Variants in SLC13A1 observed in about 807,000 individuals in gnomAD.
SLC13A1 encodes solute carrier family 13 member 1, also known as Na(+)/sulfate cotransporter.
SLC13A1 carries 65 observed loss-of-function variants against 70.0 expected under a neutral mutation model. That is an observed-to-expected ratio of 0.93 (90% CI 0.76 to 1.14). SLC13A1 has a LOEUF of 1.14. SLC13A1 is among the 50% of genes most tolerant of loss of function. SLC13A1 has a pLI of 0.00. For missense variants in SLC13A1, 726 were observed against 717.8 expected (o/e 1.01, Z -0.13); for synonymous variants, 275 against 250.5 (o/e 1.10, Z -0.92).
rs1793116737 is a variant in SLC13A1 at position 123,114,504 on chromosome 7, C to T, written c.*1014G>A. 1 of 151,454 alleles carries T rather than the reference C, an allele frequency of 6.6e-6. No individual in the cohort carries two copies. Among genetic ancestry groups the T allele is most frequent in the Non-Finnish European group, 1.5e-5 (1 of 67,826 alleles). The allele number at this position is 151,454 out of a possible 1,614,324, so 9.4% of individuals were successfully genotyped here. On this transcript the variant is annotated 3_prime_UTR_variant, in exon 15 of 15. Coordinates refer to ENST00000194130, the MANE Select transcript of SLC13A1 (RefSeq NM_022444.4). ...TTGTAATACGTCAGCAGTTTTCATT[C>T]TTATTCTTTTTTCCTTCTTTTTTTC...
At chr7:123,185,818 G>A (rs1356811804) in intron 1 of SLC13A1, among the ~76,000 whole-genome samples, 2 of 151,964 alleles carry the variant, frequency 1.3e-5, no homozygotes, top group Non-Finnish European at 2.9e-5. Context: ...TTAATGGGTA[G>A]GGTAGCCATC....
intron 6 of SLC13A1, among the ~76,000 whole-genome samples, chr7:123,153,511 G>A (rs1794622678): frequency 6.6e-6 from 1 of 151,994 alleles, no homozygotes; most frequent in African/African-American, 2.4e-5. Context: ...TCGCTGGGCT[G>A]AACACAGAAG....
Position 123,147,277 on chromosome 7 carries a change from T to C in SLC13A1, c.694A>G (p.Lys232Glu). ...SGMRTKYRTK[K>E]GHVTRKLTCL... ...GTAAGTTTACGTGTCACGTGGCCCT[T>C]CTTTGTTCGATATTTGGTTCTCATG... The change falls in exon 7 of 15, where the codon AAG becomes GAG. Residue 232 changes from lysine to glutamate, a missense_variant. Coordinates refer to ENST00000194130, the MANE Select transcript of SLC13A1 (RefSeq NM_022444.4). 1 of 1,613,550 alleles carries C rather than the reference T, an allele frequency of 6.2e-7. No homozygotes were observed. The highest frequency in any genetic ancestry group is 1.3e-5 in the African/African-American group (1 of 74,998).
chr7:123,125,593 T>G lies in SLC13A1; in HGVS notation c.1216A>C (p.Lys406Gln), dbSNP rs779675889. 6.2e-7 allele frequency: 1 copy of G among 1,611,952 alleles called. No homozygotes were observed. The highest frequency in any genetic ancestry group is 8.5e-7 in the Non-Finnish European group (1 of 1,178,782). ...CCAATTTCTCCTGTAGGTGTAGTTTTAGTCAGTGTCTTAGCTGGGATAAGA... is the reference window on the plus strand; with the variant it reads ...CCAATTTCTCCTGTAGGTGTAGTTTGAGTCAGTGTCTTAGCTGGGATAAGA... ...FFLIPAKTLT[K>Q]TTPTGEIVAF... Residue 406 changes from lysine (K) to glutamine (Q), a missense_variant, in exon 11 of 15, where the codon AAA becomes CAA. Coordinates refer to ENST00000194130, the MANE Select transcript of SLC13A1 (RefSeq NM_022444.4).
intron 6 of SLC13A1, among the ~76,000 whole-genome samples, chr7:123,159,771 T>C (rs1794824212): frequency 6.6e-6 from 1 of 152,168 alleles, no homozygotes; most frequent in African/African-American, 2.4e-5. Context: ...CAGTAGAAAT[T>C]ATTCTAAATA....
intron 6 of SLC13A1, chr7:123,148,259 C>T (rs1031851412): frequency 4.5e-6 from 1 of 222,280 alleles, no homozygotes. Flanking sequence ...ACTTAATCAT[C>T]TTCCTTAGTC....
chr7:123,190,479 G>A (rs1339526570), intron 1 of SLC13A1: 1 of 446,718 alleles, frequency 2.2e-6, no homozygotes, highest in Admixed American at 2.4e-5. Context: ...ACAAGCATAA[G>A]TAAGGGGGAA....
At chr7:123,118,786 C>G (rs752968348) in intron 13 of SLC13A1, among the ~76,000 whole-genome samples, 13 of 152,048 alleles carry the variant, frequency 8.5e-5, no homozygotes, top group African/African-American at 2.4e-5. Flanking sequence ...CCAAGTCTTA[C>G]ATCTGAAATG....
chr7:123,123,569 G>T (rs1414511666), intron 11 of SLC13A1, among the ~76,000 whole-genome samples: 1 of 152,100 alleles, frequency 6.6e-6, no homozygotes, highest in African/African-American at 2.4e-5. Flanking sequence ...ACTGTGAATA[G>T]CACAGTGCAT....
At chr7:123,156,222 A>C (rs764305432) in intron 6 of SLC13A1, among the ~76,000 whole-genome samples, 9 of 152,118 alleles carry the variant, frequency 5.9e-5, no homozygotes, top group African/African-American at 9.7e-5. Flanking sequence ...CCAGCTTCCA[A>C]AATGATTTTG....
intron 6 of SLC13A1, among the ~76,000 whole-genome samples, chr7:123,151,727 G>GT (rs1448390717): frequency 6.6e-6 from 1 of 152,110 alleles, no homozygotes; most frequent in Non-Finnish European, 1.5e-5. Flanking sequence ...CTTGGGTTTT[G>GT]AAACCATGCA....
intron 6 of SLC13A1, among the ~76,000 whole-genome samples, chr7:123,161,159 G>A (rs1794881028): frequency 6.7e-6 from 1 of 149,768 alleles, no homozygotes; most frequent in East Asian, 2.0e-4. Flanking sequence ...GACATAGTTT[G>A]GAAAGATTAT....
rs151138555 is a variant in SLC13A1 at position 123,171,075 on chromosome 7, A to T, written c.365+693T>A. Among the ~76,000 whole-genome samples, 58 of 152,336 alleles carry T rather than the reference A, an allele frequency of 3.8e-4. No homozygotes were observed. The East Asian group carries it at 4.4e-3, about 12-fold the overall frequency. On this transcript the variant is annotated intron_variant, in intron 3 of 14. Transcript: ENST00000194130. ...ACAATATTCTAATTTTCAAAGAAAG[A>T]TGAGAAGGGAAGAAACATCTAAGGC...
chr7:123,134,402 T>G lies in SLC13A1; in HGVS notation c.932+8A>C. The G allele has an allele frequency of 6.2e-7, 1 of 1,611,520 alleles. No homozygotes were observed. The highest frequency in any genetic ancestry group is 8.5e-7 in the Non-Finnish European group (1 of 1,178,692). The stretch of plus-strand genomic sequence containing the variant: ...TATTTAGCCTATTAACATGAAATAT[T>G]TACTTACTTGAATCCTAGGAAAAGC... On this transcript the variant is annotated splice_region_variant and intron_variant, in intron 8 of 14. Transcript: ENST00000194130.
chr7:123,149,701 C>T (rs1161480963), intron 6 of SLC13A1: 1 of 438,582 alleles, frequency 2.3e-6, no homozygotes, highest in African/African-American at 2.0e-5. Flanking sequence ...ATCATTTTAC[C>T]ATCCTGGTTA....
chr7:123,117,365 T>A, intron 14 of SLC13A1, 106 bp downstream of exon 14: 1 of 1,157,094 alleles, frequency 8.6e-7, no homozygotes, highest in Admixed American at 2.1e-5. Context: ...ATTCAGGCCC[T>A]GCTTTTCCTG....
chr7:123,171,578 A>T (rs1795272694), intron 3 of SLC13A1, among the ~76,000 whole-genome samples, 190 bp downstream of exon 3: 1 of 152,168 alleles, frequency 6.6e-6, no homozygotes, highest in Admixed American at 6.5e-5. Flanking sequence ...CTGCAGTGAA[A>T]GTTGTTTTTT....
chr7:123,132,852 C>T (rs949373259), intron 8 of SLC13A1, among the ~76,000 whole-genome samples: 7 of 152,152 alleles, frequency 4.6e-5, no homozygotes, highest in Non-Finnish European at 1.0e-4. Flanking sequence ...GTAGAATTTA[C>T]AGGCTGCATT....
intron 11 of SLC13A1, 78 bp downstream of exon 11, chr7:123,125,482 CTGCTCTAGG>C: frequency 1.1e-6 from 1 of 918,698 alleles, no homozygotes; most frequent in Non-Finnish European, 1.7e-6. Context: ...GACTTTCTTT[CTGCTCTAGG>C]TGCCAAGCGA....
Sources: allele counts gnomAD v4.1 joint callset (sites outside exome capture counted in the v4.1 genomes callset), GRCh38; gene constraint gnomAD v4.1.1; transcripts MANE v1.5; gene names NCBI Gene and HGNC (gene_info 2026-07-23, HGNC 2026-07-21).